ACRV1: variants seen among roughly 807,000 people sequenced by gnomAD.
The protein encoded by ACRV1 is acrosomal protein SP-10.
A neutral mutation model predicts 29.2 loss-of-function variants in ACRV1; 17 were observed. The ratio of observed to expected loss-of-function variants is 0.58; its 90% CI spans 0.40 to 0.87. ACRV1 has a LOEUF of 0.87. ACRV1 is among the 40% of genes least tolerant of loss of function. The probability of loss-of-function intolerance (pLI) is 0.00; values close to 1 mark genes in which losing one functional copy is unlikely to be tolerated. For missense variants in ACRV1, 294 were observed against 316.0 expected (o/e 0.93, Z 0.53); for synonymous variants, 98 against 111.6 (o/e 0.88, Z 0.77).
chr11:125,671,537 T>A lies in ACRV1; in HGVS notation c.*1056A>T, dbSNP rs1012568936. 1 of 152,192 alleles carries A rather than the reference T, an allele frequency of 6.6e-6. No homozygotes were observed. The highest frequency in any genetic ancestry group is 2.4e-5 in the African/African-American group (1 of 41,456). The allele number at this position is 152,192 out of a possible 1,614,324, so 9.4% of individuals were successfully genotyped here. On this transcript the variant is annotated 3_prime_UTR_variant, in exon 4 of 4. Coordinates refer to ENST00000533904, the MANE Select transcript of ACRV1 (RefSeq NM_001612.6). ...GGGAAGGGGTCATGATGTGTATATA[T>A]GTTGAAATTTTAAATTTTATATACA... is the stretch of plus-strand genomic sequence containing the variant.
At chr11:125,680,082 T>C (rs1458053809) in intron 1 of ACRV1, among the ~76,000 whole-genome samples, 3 of 152,218 alleles carry the variant, frequency 2.0e-5, no homozygotes, top group Non-Finnish European at 4.4e-5. Context: ...GAGTCAACTT[T>C]TGAAGGTCTA....
intron 2 of ACRV1, among the ~76,000 whole-genome samples, chr11:125,676,952 A>G (rs1242499231): frequency 6.6e-6 from 1 of 152,118 alleles, no homozygotes. Context: ...TCCATTTTCA[A>G]ATTGACCTTA....
At chr11:125,677,765 C>A in intron 2 of ACRV1, 32 bp downstream of exon 2, 1 of 1,607,270 alleles carries the variant, frequency 6.2e-7, no homozygotes. Context: ...CACCTGAAGT[C>A]AATGACTGGC....
chr11:125,677,717 C>A, intron 2 of ACRV1, 80 bp downstream of exon 2: 1 of 1,563,334 alleles, frequency 6.4e-7, no homozygotes, highest in South Asian at 1.2e-5. Flanking sequence ...TGCACTCCTT[C>A]CCTAAAATTG....
intron 3 of ACRV1, among the ~76,000 whole-genome samples, chr11:125,673,542 G>T (rs575478572): frequency 3.9e-5 from 6 of 152,160 alleles, no homozygotes; most frequent in African/African-American, 1.2e-4. Flanking sequence ...TTCTGACAAG[G>T]TCTTCCCCAC....
chr11:125,675,053 A>C (rs1282920885), intron 3 of ACRV1, among the ~76,000 whole-genome samples: 1 of 152,154 alleles, frequency 6.6e-6, no homozygotes, highest in African/African-American at 2.4e-5. Flanking sequence ...TGCACATCGG[A>C]ATTGTCTAGG....
In ACRV1 at chr11:125,672,376, A is replaced by G; in HGVS notation, c.*217T>C. The G allele has an allele frequency of 1.9e-6, 1 of 526,536 alleles. No homozygotes were observed. The highest frequency in any genetic ancestry group is 3.3e-6 in the Non-Finnish European group (1 of 307,476). 32.6% of individuals were successfully genotyped at this position (526,536 alleles called of 1,614,324 possible). ...ATTTATTGAAAAAAAAATCAGGAAT[A>G]TTGAGAGAAAGAGTTGGAGCAGGGA... is the stretch of plus-strand genomic sequence containing the variant. On this transcript the variant is annotated 3_prime_UTR_variant, in exon 4 of 4. Transcript: ENST00000533904.
Position 125,679,406 on chromosome 11 carries a change from CAG to C in ACRV1, c.53-1111_53-1110del, listed in dbSNP as rs908184564. 1.9e-4 allele frequency among the ~76,000 whole-genome samples: 29 copies of C among 151,986 alleles called. 1 individual carries two copies. Among genetic ancestry groups the C allele is most frequent in the African/African-American group, 6.5e-4 (27 of 41,458 alleles). On this transcript the variant is annotated intron_variant, in intron 1 of 3. Transcript: ENST00000533904. The stretch of plus-strand genomic sequence containing the variant: ...CTAATTTTTGTATTTTTAGTAGAGA[CAG>C]GGTCTCGCCATGTTGGCCAGGCTGG...
chr11:125,680,833 G>T lies in ACRV1; in HGVS notation c.-53C>A. 1 of 1,489,550 alleles carries T rather than the reference G, an allele frequency of 6.7e-7. No homozygotes were observed. 92.3% of individuals were successfully genotyped at this position (1,489,550 alleles called of 1,614,324 possible). A position where few individuals can be genotyped will look rare whatever the true frequency, so the allele number is the denominator to read the frequency against. On this transcript the variant is annotated 5_prime_UTR_variant, in exon 1 of 4. Transcript: ENST00000533904. Reference sequence around the variant, plus strand: ...GTGTGGGCCACAGCTTCTTCACAGAGCTATGAAGCAAACTGCGAGCAAAAG... The same window carrying T: ...GTGTGGGCCACAGCTTCTTCACAGATCTATGAAGCAAACTGCGAGCAAAAG...
intron 1 of ACRV1, among the ~76,000 whole-genome samples, chr11:125,678,725 T>C (rs1196474744): frequency 1.3e-5 from 2 of 151,752 alleles, no homozygotes; most frequent in African/African-American, 2.4e-5. Flanking sequence ...AGAGTAGAGA[T>C]AGAAGAGGGA....
intron 2 of ACRV1, 137 bp from the exon 3 acceptor site, chr11:125,676,615 G>T: frequency 2.7e-6 from 3 of 1,130,484 alleles, no homozygotes; most frequent in Non-Finnish European, 3.8e-6. Context: ...TGGGGATCTG[G>T]GCCCTGTGTC....
rs959259758 is a variant in ACRV1 at position 125,676,294 on chromosome 11, G to A, written c.673+65C>T. 190 of 1,581,070 alleles carry A rather than the reference G, an allele frequency of 1.2e-4. 4 individuals carry two copies. In the South Asian group the frequency reaches 2.0e-3, roughly 17 times the overall value. ...TTCCTGGGCCCCTGTCATTCCAACT[G>A]CCCCCTACCAGAAGTAAGTTGATGT... On this transcript the variant is annotated intron_variant, in intron 3 of 3. Coordinates refer to ENST00000533904, the MANE Select transcript of ACRV1 (RefSeq NM_001612.6).
intron 3 of ACRV1, among the ~76,000 whole-genome samples, chr11:125,673,851 A>C (rs1030633941): frequency 1.3e-5 from 2 of 151,740 alleles, no homozygotes; most frequent in Admixed American, 6.6e-5. Flanking sequence ...TGTTTCTGTC[A>C]CTCGGTTTCC....
At position 125,678,095 on chromosome 11, in the gene ACRV1, A is replaced by C. The variant is rs1942613593; in HGVS notation, c.255T>G (p.Ser85=). The C allele has an allele frequency of 6.2e-7, 1 of 1,614,090 alleles. No individual in the cohort carries two copies. The highest frequency in any genetic ancestry group is 8.5e-7 in the Non-Finnish European group (1 of 1,180,044). The change falls in exon 2 of 4, where the codon TCT becomes TCG. Residue 85 remains serine (S), a synonymous_variant. Transcript: ENST00000533904. ...SSKHTVAEHT[S]GEHAESEHAS... ...CATGCTCACTCTCAGCATGTTCTCC[A>C]GAAGTGTGCTCGGCCACAGTGTGCT...
At chr11:125,679,212 C>CT (rs1337479067) in intron 1 of ACRV1, among the ~76,000 whole-genome samples, 2 of 74,418 alleles carry the variant, frequency 2.7e-5, no homozygotes, top group Admixed American at 1.6e-4. Context: ...TAATCCGTCT[C>CT]TTTCTTTTTT....
intron 3 of ACRV1, chr11:125,675,967 G>A (rs1942485795): frequency 6.0e-6 from 1 of 165,954 alleles, no homozygotes; most frequent in Non-Finnish European, 1.3e-5. Flanking sequence ...GAGTACAATG[G>A]CATGATCTCA....
In ACRV1 at chr11:125,677,785, A is replaced by G. The variant is rs762592899; in HGVS notation, c.553+12T>C. On this transcript the variant is annotated intron_variant, in intron 2 of 3. Transcript: ENST00000533904. ...GAAGTCAATGACTGGCACCCATCCA[A>G]ACATGGCTCACCTGTAGATGTGCTT... is the stretch of plus-strand genomic sequence containing the variant. 3.1e-6 allele frequency: 5 copies of G among 1,613,004 alleles called. No individual in the cohort carries two copies. The highest frequency in any genetic ancestry group is 3.3e-5 in the Admixed American group (2 of 59,976).
chr11:125,680,656 CCTT>C (rs1942754336), intron 1 of ACRV1, 70 bp downstream of exon 1: 1 of 1,389,322 alleles, frequency 7.2e-7, no homozygotes, highest in South Asian at 1.2e-5. Flanking sequence ...GACTGGTCTT[CCTT>C]CTTCAAGGCC....
intron 1 of ACRV1, among the ~76,000 whole-genome samples, chr11:125,680,223 G>A (rs963419845): frequency 2.6e-5 from 4 of 152,168 alleles, no homozygotes. Context: ...CATGAATGGG[G>A]GATCCCAAAA....
Sources: gnomAD v4.1 joint callset for allele counts (sites outside exome capture counted in the v4.1 genomes callset) on GRCh38, gnomAD v4.1.1 for gene constraint, MANE v1.5 for transcripts, NCBI Gene and HGNC (gene_info 2026-07-23, HGNC 2026-07-21) for gene names.